COL24A1: variants seen among roughly 807,000 people sequenced by gnomAD.
COL24A1 encodes the protein collagen type XXIV alpha 1 chain, also known as collagen alpha-1(XXIV) chain.
A neutral mutation model predicts 253.9 loss-of-function variants in COL24A1; 224 were observed. The ratio of observed to expected loss-of-function variants is 0.88; its 90% CI spans 0.79 to 0.99. The LOEUF (loss-of-function observed/expected upper bound fraction) is 0.99. Ranked by LOEUF, COL24A1 falls within the 50% of genes least tolerant of loss-of-function variation. The pLI is 0.00. For synonymous variants in COL24A1, 685 were observed against 673.7 expected, an observed-to-expected ratio of 1.02 and a Z score of -0.26; for missense variants, 2,131 against 2,068.5, an observed-to-expected ratio of 1.03 and a Z score of -0.59.
chr1:85,914,904 T>A (rs1685745654), intron 24 of COL24A1, among the ~76,000 whole-genome samples: 1 of 152,218 alleles, frequency 6.6e-6, no homozygotes, highest in Admixed American at 6.5e-5. Context: ...ATGATCTTAT[T>A]ATTGTCTTTA....
intron 47 of COL24A1, among the ~76,000 whole-genome samples, chr1:85,800,414 T>A (rs1000297594): frequency 6.6e-6 from 1 of 152,184 alleles, no homozygotes; most frequent in Non-Finnish European, 1.5e-5. Context: ...CTCCACTTAC[T>A]AAAATACATG....
At chr1:85,774,966 G>T (rs1452904747) in intron 53 of COL24A1, among the ~76,000 whole-genome samples, 2 of 152,060 alleles carry the variant, frequency 1.3e-5, no homozygotes, top group Non-Finnish European at 2.9e-5. Context: ...TGATGTTAGG[G>T]TGTCAATCTT....
At chr1:85,924,342 C>T (rs546030285) in intron 24 of COL24A1, among the ~76,000 whole-genome samples, 11 of 152,234 alleles carry the variant, frequency 7.2e-5, no homozygotes, top group East Asian at 1.9e-4. Context: ...CATCCTGATA[C>T]GAAAGCCTGG....
chr1:85,811,123 G>A (rs1199397062), intron 47 of COL24A1, among the ~76,000 whole-genome samples: 2 of 152,170 alleles, frequency 1.3e-5, no homozygotes, highest in African/African-American at 4.8e-5. Context: ...TAGTGTGTCA[G>A]ACTTTCATTC....
chr1:85,986,170 C>G (rs969997207), intron 20 of COL24A1, among the ~76,000 whole-genome samples: 2 of 151,736 alleles, frequency 1.3e-5, no homozygotes, highest in South Asian at 4.2e-4. Context: ...ATATCTTTCT[C>G]TAGATTTTAA....
In COL24A1 at chr1:86,131,174, A is replaced by C. The variant is rs190261074; in HGVS notation, c.122-4960T>G. On this transcript the variant is annotated intron_variant, in intron 2 of 59. Transcript: ENST00000370571. ...ACTCCGTAGTTATCAACATTCTTCA[A>C]GAGTTGTTCTTTATCTTTGAAATGC... Among the ~76,000 whole-genome samples, 419 of 152,082 alleles carry C rather than the reference A, an allele frequency of 2.8e-3. 2 individuals carry two copies. Among genetic ancestry groups the C allele is most frequent in the Non-Finnish European group, 5.1e-3 (346 of 67,956 alleles).
chr1:85,854,337 A>G (rs1176514276), intron 37 of COL24A1, among the ~76,000 whole-genome samples: 1 of 152,114 alleles, frequency 6.6e-6, no homozygotes, highest in African/African-American at 2.4e-5. Flanking sequence ...CTGTTTTTGT[A>G]CCAGTACAAT....
intron 43 of COL24A1, among the ~76,000 whole-genome samples, chr1:85,829,395 T>C (rs1312412077): frequency 1.3e-5 from 2 of 151,322 alleles, no homozygotes; most frequent in East Asian, 3.9e-4. Flanking sequence ...CTGACAATTA[T>C]GTGTCTTGGA....
intron 26 of COL24A1, among the ~76,000 whole-genome samples, chr1:85,909,409 A>G (rs1685156998): frequency 2.0e-5 from 3 of 151,770 alleles, no homozygotes; most frequent in Admixed American, 2.0e-4. Context: ...TACTTAGAAA[A>G]CTATTTAGTA....
intron 43 of COL24A1, among the ~76,000 whole-genome samples, chr1:85,824,778 C>T (rs538719423): frequency 5.9e-5 from 9 of 152,124 alleles, no homozygotes; most frequent in Non-Finnish European, 8.8e-5. Context: ...CCTTTTCCTA[C>T]TCAATCAGAT....
At chr1:85,880,070 T>C (rs1467634282) in intron 32 of COL24A1, among the ~76,000 whole-genome samples, 3 of 152,174 alleles carry the variant, frequency 2.0e-5, no homozygotes, top group Non-Finnish European at 4.4e-5. Context: ...CTTGCTTGGA[T>C]TTTGATTAGA....
At chr1:86,122,668 C>T (rs1647560861) in intron 3 of COL24A1, among the ~76,000 whole-genome samples, 1 of 151,804 alleles carries the variant, frequency 6.6e-6, no homozygotes, top group Non-Finnish European at 1.5e-5. Flanking sequence ...TATTCTTTTC[C>T]TTTTTGCTTG....
At chr1:85,995,592 G>T (rs1694712887) in intron 19 of COL24A1, among the ~76,000 whole-genome samples, 1 of 152,188 alleles carries the variant, frequency 6.6e-6, no homozygotes, top group Admixed American at 6.5e-5. Flanking sequence ...AGGGAGGGGG[G>T]AAGGAGAGGC....
In COL24A1 at chr1:86,115,322, TA is replaced by T; in HGVS notation, c.1545+2del. ...CAGCAGGAAATATAGCCCATCTACT[TA>T]CCCGTGGACCTCTCTTCCCTGACGG... On this transcript the variant is annotated splice_donor_variant, in intron 4 of 59. Transcript: ENST00000370571. LOFTEE classifies it high-confidence loss of function. 1 of 1,613,684 alleles carries T rather than the reference TA, an allele frequency of 6.2e-7. No homozygotes were observed. The highest frequency in any genetic ancestry group is 8.5e-7 in the Non-Finnish European group (1 of 1,179,694).
At position 86,126,014 on chromosome 1, in the gene COL24A1, T is replaced by C; in HGVS notation, c.322A>G (p.Ile108Val). 1 of 1,613,646 alleles carries C rather than the reference T, an allele frequency of 6.2e-7. No homozygotes were observed. Among genetic ancestry groups the C allele is most frequent in the Non-Finnish European group, 8.5e-7 (1 of 1,179,800 alleles). ...CGATGTGACTGTAACCCAGTTAATA[T>C]TGTAAACGGCTGCCCCAAGTTGACT... Reference protein sequence around the residue: ...LPVNLGQPFTILTGLQSHRVN... With the variant: ...LPVNLGQPFTVLTGLQSHRVN... Residue 108 changes from isoleucine to valine, a missense_variant, in exon 3 of 60, where the codon ATA (isoleucine) becomes GTA (valine). Coordinates refer to ENST00000370571, the MANE Select transcript of COL24A1 (RefSeq NM_152890.7).
chr1:86,121,542 A>G (rs575954865), intron 3 of COL24A1, among the ~76,000 whole-genome samples: 63 of 152,216 alleles, frequency 4.1e-4, no homozygotes, highest in African/African-American at 1.4e-3. Flanking sequence ...TGAAAGATTT[A>G]AAAAATATGA....
intron 32 of COL24A1, among the ~76,000 whole-genome samples, chr1:85,888,326 C>T (rs1682750137): frequency 6.6e-6 from 1 of 151,992 alleles, no homozygotes; most frequent in Non-Finnish European, 1.5e-5. Context: ...TAGCCCGAGC[C>T]CTTTAATAAC....
chr1:85,760,787 A>G (rs1666774000), intron 55 of COL24A1, among the ~76,000 whole-genome samples: 1 of 152,130 alleles, frequency 6.6e-6, no homozygotes, highest in Non-Finnish European at 1.5e-5. Context: ...CATAGGGAGC[A>G]GAAAGACAAA....
At chr1:86,093,574 G>A (rs980651168) in intron 5 of COL24A1, among the ~76,000 whole-genome samples, 1 of 151,892 alleles carries the variant, frequency 6.6e-6, no homozygotes, top group East Asian at 1.9e-4. Flanking sequence ...TAGTACATAG[G>A]CACAGGCAAA....
Sources: gnomAD v4.1 joint callset for allele counts (sites outside exome capture counted in the v4.1 genomes callset) on GRCh38, gnomAD v4.1.1 for gene constraint, MANE v1.5 for transcripts, NCBI Gene and HGNC (gene_info 2026-07-23, HGNC 2026-07-21) for gene names.